The following BACH2 variants were observed in gnomAD, a reference collection of about 807,000 sequenced individuals.
BACH2 encodes transcription regulator protein BACH2.
In BACH2, 5 loss-of-function variants were observed where a neutral mutation model predicts 61.8. That is an observed-to-expected ratio of 0.08 (90% CI 0.04 to 0.17). The LOEUF is 0.17. Among genes scored for constraint, BACH2 ranks in the 10% least tolerant of loss-of-function variants. BACH2 has a pLI of 1.00. For missense variants in BACH2, 824 were observed against 1,091.1 expected, an observed-to-expected ratio of 0.76 and a Z score of 3.45; for synonymous variants, 446 against 440.1, an observed-to-expected ratio of 1.01 and a Z score of -0.17.
intron 5 of BACH2, among the ~76,000 whole-genome samples, chr6:90,036,474 T>C (rs1779268708): frequency 6.6e-6 from 1 of 152,154 alleles, no homozygotes; most frequent in Admixed American, 6.5e-5. Flanking sequence ...TTCTAACATA[T>C]TATGAACAAT....
chr6:89,940,940 G>A (rs1335491297), intron 7 of BACH2, among the ~76,000 whole-genome samples: 1 of 151,632 alleles, frequency 6.6e-6, no homozygotes, highest in Admixed American at 6.6e-5. Context: ...CACTTTCAGG[G>A]GCTCAACAGC....
chr6:90,017,898 C>A (rs1194992842), intron 5 of BACH2, among the ~76,000 whole-genome samples: 4 of 152,156 alleles, frequency 2.6e-5, no homozygotes, highest in Admixed American at 2.6e-4. Flanking sequence ...TTGTTAAATG[C>A]TGGATATTTT....
intron 5 of BACH2, among the ~76,000 whole-genome samples, chr6:90,069,852 A>C (rs1317238986): frequency 6.6e-6 from 1 of 152,014 alleles, no homozygotes; most frequent in South Asian, 2.1e-4. Flanking sequence ...AGAGAAGAAG[A>C]CTCCATGCTA....
intron 4 of BACH2, among the ~76,000 whole-genome samples, chr6:90,123,113 G>A (rs903944458): frequency 2.6e-5 from 4 of 152,220 alleles, no homozygotes; most frequent in Admixed American, 1.3e-4. Context: ...TGAGAATCTC[G>A]AGATGAAATC....
chr6:90,120,377 T>C (rs1783574164), intron 4 of BACH2, among the ~76,000 whole-genome samples: 1 of 152,134 alleles, frequency 6.6e-6, no homozygotes, highest in African/African-American at 2.4e-5. Context: ...GTTAAACAAA[T>C]TTGAAATAAA....
chr6:89,991,115 T>C (rs1021925807), intron 6 of BACH2, among the ~76,000 whole-genome samples: 2 of 152,250 alleles, frequency 1.3e-5, no homozygotes, highest in Non-Finnish European at 2.9e-5. Flanking sequence ...ACAATACTTG[T>C]AGGCCCATAA....
rs12198807 is a variant in BACH2 at position 90,182,915 on chromosome 6, T to C, written c.-162+23654A>G. Among the ~76,000 whole-genome samples the C allele has an allele frequency of 7.0e-3, 1,065 of 152,342 alleles. 5 individuals carry two copies. The highest frequency in any genetic ancestry group is 0.018 in the Admixed American group (282 of 15,302). ...TAATAATTTCAATTTTTATTTTAGA[T>C]TCAGGGGGCGCATGTGCAGGTTTGT... On this transcript the variant is annotated intron_variant, in intron 4 of 8. Coordinates refer to ENST00000257749, the MANE Select transcript of BACH2 (RefSeq NM_021813.4).
In BACH2 at chr6:89,950,854, C is replaced by T. The variant is rs34335140; in HGVS notation, c.1252G>A (p.Ala418Thr). 1.2e-3 allele frequency: 1,931 copies of T among 1,612,670 alleles called. 24 individuals carry two copies. In the African/African-American group the frequency reaches 0.019, roughly 16 times the overall value. Reference protein sequence around the residue: ...GSPLRGPGLEALCKQEGELDR... With the variant: ...GSPLRGPGLETLCKQEGELDR... Reference sequence around the variant, plus strand: ...AGCTCTCCCTCCTGTTTACAGAGAGCCTCCAACCCAGGCCCCCTGAGGGGC... The same window carrying T: ...AGCTCTCCCTCCTGTTTACAGAGAGTCTCCAACCCAGGCCCCCTGAGGGGC... The change falls in exon 7 of 9, where the codon GCT becomes ACT. Residue 418 changes from alanine (A) to threonine (T), a missense_variant. Physicochemically the swap from Ala to Thr is moderately conservative, Grantham distance 58. Transcript: ENST00000257749. The surrounding 1 kb of genome is among the most constrained non-coding windows in gnomAD (Gnocchi z 5.3).
rs567401303 is a variant in BACH2, at chr6:90,135,609, G to A, written c.-161-46500C>T. ...TACACGCCTGTGGTCTCAGATACTC[G>A]AGAGCTGAGTAGGAGGACTGCTGGA... On this transcript the variant is annotated intron_variant, in intron 4 of 8. Transcript: ENST00000257749. Among the ~76,000 whole-genome samples, 13 of 152,166 alleles carry A rather than the reference G, an allele frequency of 8.5e-5. 1 individual carries two copies. In the South Asian group the frequency reaches 2.5e-3, roughly 29 times the overall value.
chr6:90,011,414 TTTTG>T (rs1383190405), intron 5 of BACH2, among the ~76,000 whole-genome samples: 2 of 152,226 alleles, frequency 1.3e-5, no homozygotes, highest in African/African-American at 2.4e-5. Context: ...GTTTGTCTAC[TTTTG>T]TTTTTTTTGG....
At chr6:89,977,338 G>A (rs910336861) in intron 6 of BACH2, among the ~76,000 whole-genome samples, 1 of 152,196 alleles carries the variant, frequency 6.6e-6, no homozygotes, top group Non-Finnish European at 1.5e-5. Context: ...TATCACAGAT[G>A]TACTGTGCTG....
chr6:90,198,989 T>A (rs1768863261), intron 4 of BACH2, among the ~76,000 whole-genome samples: 2 of 152,220 alleles, frequency 1.3e-5, no homozygotes, highest in Non-Finnish European at 2.9e-5. Context: ...GCACATGCTC[T>A]CTCTTGCCTG....
intron 4 of BACH2, among the ~76,000 whole-genome samples, chr6:90,169,169 A>T (rs1361749158): frequency 2.5e-5 from 3 of 118,564 alleles, no homozygotes; most frequent in East Asian, 1.3e-3. Context: ...ACTGGTGATT[A>T]AAAAAAAAAA....
chr6:89,992,029 C>T (rs1776603007), intron 6 of BACH2, among the ~76,000 whole-genome samples: 1 of 152,138 alleles, frequency 6.6e-6, no homozygotes, highest in Non-Finnish European at 1.5e-5. Flanking sequence ...TTCTTGACTA[C>T]TTAAAACATT....
intron 5 of BACH2, among the ~76,000 whole-genome samples, chr6:90,014,743 G>A (rs1383145929): frequency 6.6e-6 from 1 of 151,304 alleles, no homozygotes; most frequent in African/African-American, 2.4e-5. Context: ...AAAGTCTTGG[G>A]ATTACAGGCG....
At chr6:90,255,073 C>T (rs1318007453) in intron 2 of BACH2, among the ~76,000 whole-genome samples, 4 of 152,268 alleles carry the variant, frequency 2.6e-5, no homozygotes, top group South Asian at 4.1e-4. Context: ...TTCTAGCCCA[C>T]ATAAATAATA....
At position 89,932,465 on chromosome 6, in the gene BACH2, G is replaced by A; in HGVS notation, c.2469C>T (p.Cys823=). 15 of 1,614,084 alleles carry A rather than the reference G, an allele frequency of 9.3e-6. No homozygotes were observed. Among genetic ancestry groups the A allele is most frequent in the Non-Finnish European group, 1.3e-5 (15 of 1,180,010 alleles). ...TTGTACACTTATCAGTCATTTCCTG[G>A]CAGAAGTCCACGGTCACTGTTTGGC... is the stretch of plus-strand genomic sequence containing the variant. ...PRSQTVTVDF[C]QEMTDKCTTD... Residue 823 remains cysteine, a synonymous_variant, in exon 9 of 9, where the codon TGC becomes TGT. Transcript: ENST00000257749.
intron 2 of BACH2, among the ~76,000 whole-genome samples, chr6:90,259,140 C>G (rs1771077897): frequency 6.6e-6 from 1 of 152,148 alleles, no homozygotes; most frequent in South Asian, 2.1e-4. Context: ...CCATGCCTGC[C>G]TGATACTAGA....
In BACH2 at chr6:89,950,199, G is replaced by C. The variant is rs1187265366; in HGVS notation, c.1836+71C>G. On this transcript the variant is annotated intron_variant, in intron 7 of 8. Coordinates refer to ENST00000257749, the MANE Select transcript of BACH2 (RefSeq NM_021813.4). This position sits in a 1 kb window ranked among gnomAD's most constrained non-coding sequence, Gnocchi z 5.3. ...CGTAAGAACAATGTGGGAGTGGTGG[G>C]GGGCAGGGAGTAGTCCAGATAAAGG... The C allele has an allele frequency of 2.0e-6, 3 of 1,537,386 alleles. No homozygotes were observed. The highest frequency in any genetic ancestry group is 2.7e-5 in the African/African-American group (2 of 73,212).
Sources: allele counts gnomAD v4.1 joint callset (sites outside exome capture counted in the v4.1 genomes callset), GRCh38; gene constraint gnomAD v4.1.1; non-coding constraint Gnocchi (gnomAD v3.1); transcripts MANE v1.5; gene names NCBI Gene and HGNC (gene_info 2026-07-23, HGNC 2026-07-21).